The following SUN2 variants were observed in gnomAD, a reference collection of about 807,000 sequenced individuals.
SUN2 encodes SUN domain-containing protein 2.
Under a neutral mutation model 100.0 loss-of-function variants are expected in SUN2, and 60 were observed. The ratio of observed to expected loss-of-function variants is 0.60; its 90% CI spans 0.49 to 0.74. SUN2 has a LOEUF of 0.74. SUN2 is among the 30% of genes least tolerant of loss of function. The probability of loss-of-function intolerance (pLI) is 0.00; values close to 1 mark genes in which losing one functional copy is unlikely to be tolerated. For synonymous variants in SUN2, 367 were observed against 403.3 expected, an observed-to-expected ratio of 0.91 and a Z score of 1.08; for missense variants, 834 against 954.6, an observed-to-expected ratio of 0.87 and a Z score of 1.66.
chr22:38,754,712 C>T (rs1282756096), intron 1 of SUN2: 3 of 1,288,790 alleles, frequency 2.3e-6, no homozygotes, highest in Non-Finnish European at 3.0e-6. Flanking sequence ...GACACCTTTG[C>T]CCAGGGCAGA....
chr22:38,743,805 G>A (rs889538445), intron 8 of SUN2: 2 of 152,028 alleles, frequency 1.3e-5, no homozygotes, highest in Non-Finnish European at 2.9e-5. Context: ...GTCTTTAATG[G>A]TGAAAAAAGG....
intron 8 of SUN2, chr22:38,743,848 AAAT>A (rs1464071937): frequency 2.0e-5 from 3 of 152,228 alleles, no homozygotes; most frequent in Non-Finnish European, 4.4e-5. Flanking sequence ...TTATTTTGTA[AAAT>A]AATAAGATCA....
In SUN2 at chr22:38,752,660, G is replaced by A. The variant is rs768927895; in HGVS notation, c.-32C>T. On this transcript the variant is annotated 5_prime_UTR_variant, in exon 2 of 18. Coordinates refer to ENST00000689035, the MANE Select transcript of SUN2 (RefSeq NM_015374.3). ...GTGGGATGTGGACTCTTCCCCTGAA[G>A]AGAATCTAAGGAGAGAGAGGAGGAG... 4 of 1,610,304 alleles carry A rather than the reference G, an allele frequency of 2.5e-6. No homozygotes were observed. Among genetic ancestry groups the A allele is most frequent in the Non-Finnish European group, 3.4e-6 (4 of 1,178,938 alleles).
intron 5 of SUN2, 116 bp from the exon 6 acceptor site, chr22:38,749,975 G>T: frequency 9.7e-7 from 1 of 1,030,846 alleles, no homozygotes; most frequent in Non-Finnish European, 1.4e-6. Context: ...GTATGCCTCT[G>T]TCCTGCCCTA....
chr22:38,738,438 T>TGAA lies in SUN2; in HGVS notation c.1947+146_1947+148dup. The TGAA allele has an allele frequency of 1.7e-6, 2 of 1,186,140 alleles. No individual in the cohort carries two copies. Among genetic ancestry groups the TGAA allele is most frequent in the Admixed American group, 4.3e-5 (2 of 46,828 alleles). 73.5% of individuals were successfully genotyped at this position (1,186,140 alleles called of 1,614,324 possible). A position where few individuals can be genotyped will look rare whatever the true frequency, so the allele number is the denominator to read the frequency against. On this transcript the variant is annotated intron_variant, in intron 16 of 17. Coordinates refer to ENST00000689035, the MANE Select transcript of SUN2 (RefSeq NM_015374.3). The surrounding 1 kb of genome is among the most constrained non-coding windows in gnomAD (Gnocchi z 6.6). ...CTCCAAAGCCTAAGGTAACAGGGAC[T>TGAA]GAAGTGCTGTCTCCCACCCTAGCTC... is the stretch of plus-strand genomic sequence containing the variant.
chr22:38,754,857 C>T (rs2146117281), intron 1 of SUN2: 4 of 1,289,108 alleles, frequency 3.1e-6, no homozygotes, highest in Non-Finnish European at 3.0e-6. Context: ...AGATGCCTCT[C>T]AGTCTTTCCT....
chr22:38,752,113 T>C (rs1031643354), intron 2 of SUN2, among the ~76,000 whole-genome samples: 4 of 152,192 alleles, frequency 2.6e-5, no homozygotes, highest in Non-Finnish European at 5.9e-5. Context: ...TAGCTGGGAT[T>C]ACAGCTGCCT....
Position 38,755,452 on chromosome 22 carries a change from CCG to C in SUN2, c.-38+309_-38+310del. 3.0e-6 allele frequency: 3 copies of C among 990,860 alleles called. No homozygotes were observed. In the East Asian group the frequency reaches 3.4e-4, roughly 111 times the overall value. 61.4% of individuals were successfully genotyped at this position (990,860 alleles called of 1,614,324 possible). On this transcript the variant is annotated intron_variant, in intron 1 of 17. Coordinates refer to ENST00000689035, the MANE Select transcript of SUN2 (RefSeq NM_015374.3). The surrounding 1 kb of genome is among the most constrained non-coding windows in gnomAD (Gnocchi z 5.7). Reference sequence around the variant, plus strand: ...GGAAACGGCCTGTCTGGCACAAAACCCGTAGGCGCTGCCCGGGGCCGGGTTGG... The same window carrying C: ...GGAAACGGCCTGTCTGGCACAAAACCTAGGCGCTGCCCGGGGCCGGGTTGG...
chr22:38,741,110 G>C (rs1010749633), intron 10 of SUN2, 60 bp from the exon 11 acceptor site: 1 of 1,538,456 alleles, frequency 6.5e-7, no homozygotes, highest in Non-Finnish European at 8.8e-7. Context: ...GTGTTCCAGA[G>C]TAGGATCTGC....
chr22:38,747,614 C>T (rs953141225), intron 7 of SUN2, among the ~76,000 whole-genome samples: 10 of 152,152 alleles, frequency 6.6e-5, no homozygotes, highest in Non-Finnish European at 1.3e-4. Context: ...ACTAGCCAAG[C>T]TGTCAAGTAA....
intron 9 of SUN2, 97 bp downstream of exon 9, chr22:38,742,204 T>C (rs1226467931): frequency 3.4e-6 from 5 of 1,451,592 alleles, no homozygotes; most frequent in Non-Finnish European, 4.6e-6. Flanking sequence ...CAGAGCTGTC[T>C]GATCCCAAAT....
rs371473561 is a variant in SUN2, at chr22:38,738,466, C to T, written c.1947+121G>A. On this transcript the variant is annotated intron_variant, in intron 16 of 17. Coordinates refer to ENST00000689035, the MANE Select transcript of SUN2 (RefSeq NM_015374.3). This position sits in a 1 kb window ranked among gnomAD's most constrained non-coding sequence, Gnocchi z 6.6. Reference sequence around the variant, plus strand: ...AGTGCTGTCTCCCACCCTAGCTCCTCCTCTTCCAAATCCACTCCCCTCCCT... The same window carrying T: ...AGTGCTGTCTCCCACCCTAGCTCCTTCTCTTCCAAATCCACTCCCCTCCCT... The T allele has an allele frequency of 7.3e-7, 1 of 1,379,040 alleles. No individual in the cohort carries two copies. Among genetic ancestry groups the T allele is most frequent in the East Asian group, 2.3e-5 (1 of 43,328 alleles). The allele number at this position is 1,379,040 out of a possible 1,614,324, so 85.4% of individuals were successfully genotyped here.
intron 4 of SUN2, 94 bp downstream of exon 4, chr22:38,750,804 G>A (rs2092939254): frequency 1.9e-6 from 3 of 1,554,090 alleles, no homozygotes; most frequent in African/African-American, 1.4e-5. Flanking sequence ...GCCACATGCT[G>A]CCCTCTCTCC....
chr22:38,750,813 C>G, intron 4 of SUN2, 85 bp downstream of exon 4: 1 of 1,575,128 alleles, frequency 6.3e-7, no homozygotes, highest in Non-Finnish European at 8.6e-7. Context: ...TGCCCTCTCT[C>G]CAGCTCCCCG....
chr22:38,747,224 CGG>C (rs1469991099), intron 7 of SUN2, among the ~76,000 whole-genome samples: 1 of 150,570 alleles, frequency 6.6e-6, no homozygotes, highest in Admixed American at 6.6e-5. Context: ...CCCAGCTACT[CGG>C]GAGGCTGAGG....
Position 38,738,060 on chromosome 22 carries a change from G to C in SUN2, c.2040+113C>G, listed in dbSNP as rs773920203. Reference sequence around the variant, plus strand: ...TCACATCTTGAGCTGTGGGAAAGGAGAGCAGGGCTTCCCTCTCTGAACCCC... The same window carrying C: ...TCACATCTTGAGCTGTGGGAAAGGACAGCAGGGCTTCCCTCTCTGAACCCC... On this transcript the variant is annotated intron_variant, in intron 17 of 17. Transcript: ENST00000689035. The surrounding 1 kb of genome is among the most constrained non-coding windows in gnomAD (Gnocchi z 6.6). 4 of 937,190 alleles carry C rather than the reference G, an allele frequency of 4.3e-6. No homozygotes were observed. Among genetic ancestry groups the C allele is most frequent in the Non-Finnish European group, 7.0e-6 (4 of 568,246 alleles). 58.1% of individuals were successfully genotyped at this position (937,190 alleles called of 1,614,324 possible). A position where few individuals can be genotyped will look rare whatever the true frequency, so the allele number is the denominator to read the frequency against.
At chr22:38,742,725 C>G (rs937411287) in intron 8 of SUN2, 170 bp from the exon 9 acceptor site, 35 of 801,156 alleles carry the variant, frequency 4.4e-5, no homozygotes, top group Admixed American at 1.5e-4. Context: ...CTGCCGACCT[C>G]TGAGCTGGGT....
chr22:38,744,261 CAAAAAAAAA>C (rs35027225), intron 8 of SUN2, among the ~76,000 whole-genome samples: 1 of 60,708 alleles, frequency 1.6e-5, no homozygotes, highest in African/African-American at 6.4e-5. Context: ...GACTCTGTCT[CAAAAAAAAA>C]AAAAAAAAAA....
In SUN2 at chr22:38,740,980, C is replaced by T; in HGVS notation, c.1190+27G>A. On this transcript the variant is annotated intron_variant, in intron 11 of 17. Coordinates refer to ENST00000689035, the MANE Select transcript of SUN2 (RefSeq NM_015374.3). This position sits in a 1 kb window ranked among gnomAD's most constrained non-coding sequence, Gnocchi z 4.8. The stretch of plus-strand genomic sequence containing the variant: ...GTGGGTGGGGCTGGGGAGGAGCAGG[C>T]CGAGGCCAGCTGGTGGCGCCCAGTA... 1.3e-6 allele frequency: 2 copies of T among 1,578,564 alleles called. No individual in the cohort carries two copies. The highest frequency in any genetic ancestry group is 1.7e-6 in the Non-Finnish European group (2 of 1,162,594).
Sources: allele counts gnomAD v4.1 joint callset (sites outside exome capture counted in the v4.1 genomes callset), GRCh38; gene constraint gnomAD v4.1.1; non-coding constraint Gnocchi (gnomAD v3.1); transcripts MANE v1.5; gene names NCBI Gene and HGNC (gene_info 2026-07-23, HGNC 2026-07-21).